The following AR variants were observed in gnomAD, a reference collection of about 807,000 sequenced individuals.
AR encodes the protein androgen receptor.
In AR, 8 loss-of-function variants were observed where a neutral mutation model predicts 53.9. That is an observed-to-expected ratio of 0.15 (90% CI 0.09 to 0.27). The LOEUF is 0.27. AR is among the 10% of genes least tolerant of loss of function. The probability of loss-of-function intolerance (pLI) is 1.00; values close to 1 mark genes in which losing one functional copy is unlikely to be tolerated. For synonymous variants in AR, 359 were observed against 316.4 expected (o/e 1.13, Z -1.43); for missense variants, 639 against 742.5 (o/e 0.86, Z 1.62).
At chrX:67,658,738 T>A (rs1196308636) in intron 2 of AR, among the ~76,000 whole-genome samples, 2 of 111,926 alleles carry the variant, frequency 1.8e-5, no homozygotes, top group Non-Finnish European at 3.8e-5. Context: ...GTCACCTTCT[T>A]TGGACATTAG....
intron 1 of AR, among the ~76,000 whole-genome samples, chrX:67,550,184 G>T (rs1929939901): frequency 8.9e-6 from 1 of 111,745 alleles, no homozygotes; most frequent in Non-Finnish European, 1.9e-5. Flanking sequence ...GTCAGCCAAA[G>T]ATTAACACTG....
chrX:67,630,617 T>C (rs765445725), intron 1 of AR, among the ~76,000 whole-genome samples: 31 of 111,444 alleles, frequency 2.8e-4, no homozygotes, highest in African/African-American at 9.1e-4. Context: ...TGTCTTTTAA[T>C]TGGAGCATTT....
chrX:67,604,365 G>A (rs1360672688), intron 1 of AR, among the ~76,000 whole-genome samples: 2 of 109,606 alleles, frequency 1.8e-5, no homozygotes, highest in African/African-American at 3.3e-5. Flanking sequence ...TCTGTTCCCT[G>A]GGCATCACCA....
At chrX:67,562,814 A>G (rs1921390871) in intron 1 of AR, among the ~76,000 whole-genome samples, 1 of 111,635 alleles carries the variant, frequency 9.0e-6, no homozygotes, top group Non-Finnish European at 1.9e-5. Context: ...ACAGTAACAT[A>G]ACCCCTCTGA....
chrX:67,638,556 G>A (rs750145854), intron 1 of AR, among the ~76,000 whole-genome samples: 3 of 111,744 alleles, frequency 2.7e-5, no homozygotes, highest in Non-Finnish European at 3.8e-5. Flanking sequence ...GTTTTGATTT[G>A]CATTTCTCTA....
intron 1 of AR, among the ~76,000 whole-genome samples, chrX:67,623,528 G>A (rs1371296948): frequency 9.0e-6 from 1 of 111,411 alleles, no homozygotes; most frequent in Non-Finnish European, 1.9e-5. Flanking sequence ...AACTGCGAAG[G>A]CCTATATCAA....
chrX:67,594,623 C>G lies in AR; in HGVS notation c.1616+47861C>G, dbSNP rs150806127. 6.5e-3 allele frequency among the ~76,000 whole-genome samples: 722 copies of G among 111,370 alleles called. 5 individuals are homozygous for G. The highest frequency in any genetic ancestry group is 0.022 in the South Asian group (58 of 2,627). On this transcript the variant is annotated intron_variant, in intron 1 of 7. Coordinates refer to ENST00000374690, the MANE Select transcript of AR (RefSeq NM_000044.6). Reference sequence around the variant, plus strand: ...GCTTATAGGGCTAGTCTTCAGAGTCCTCTTCCTACCTACTACTGCTAATAA... The same window carrying G: ...GCTTATAGGGCTAGTCTTCAGAGTCGTCTTCCTACCTACTACTGCTAATAA...
chrX:67,544,992 TG>T lies in AR; in HGVS notation c.-153del. 1.2e-6 allele frequency: 1 copy of T among 846,823 alleles called. No individual in the cohort carries two copies. The highest frequency in any genetic ancestry group is 1.6e-6 in the Non-Finnish European group (1 of 621,785). 69.8% of individuals were successfully genotyped at this position (846,823 alleles called of 1,213,427 possible). On this transcript the variant is annotated 5_prime_UTR_variant, in exon 1 of 8. Coordinates refer to ENST00000374690, the MANE Select transcript of AR (RefSeq NM_000044.6). ...TGAGGCTGTCAGAGCGCTTTTTGCGTGGTTGCTCCCGCAAGTTTCCTTCTCT... is the reference window on the plus strand; with the variant it reads ...TGAGGCTGTCAGAGCGCTTTTTGCGTGTTGCTCCCGCAAGTTTCCTTCTCT...
Position 67,546,514 on chromosome X carries a change from TGGCGGCGGCGGCGGC to T in AR, c.1406_1420del (p.Gly469_Gly473del), listed in dbSNP as rs746853821. The T allele has an allele frequency of 8.0e-3, 4,429 of 552,271 alleles. 427 individuals are homozygous for T. The highest frequency in any genetic ancestry group is 0.047 in the East Asian group (766 of 16,194). The allele number at this position is 552,271 out of a possible 1,213,427, so 45.5% of individuals were successfully genotyped here. The stretch of plus-strand genomic sequence containing the variant: ...GACCGTGTGGTGGTGGTGGGGGTGG[TGGCGGCGGCGGCGGC>T]GGCGGCGGCGGCGGCGGCGGCGGCG... On this transcript the variant is annotated inframe_deletion, in exon 1 of 8. Transcript: ENST00000374690.
In AR at chrX:67,546,032, G is replaced by C. The variant is rs1929710632; in HGVS notation, c.886G>C (p.Asp296His). ...GGCCGAATGCAAAGGTTCTCTGCTA[G>C]ACGACAGCGCAGGCAAGAGCACTGA... ...PLAECKGSLL[D>H]DSAGKSTEDT... The change falls in exon 1 of 8, where the codon GAC becomes CAC. Residue 296 changes from aspartate to histidine, a missense_variant. Around this residue, in one of 5 missense-constraint regions of AR, gnomAD observed 423 missense variants for 377.0 expected, o/e 1.12. Coordinates refer to ENST00000374690, the MANE Select transcript of AR (RefSeq NM_000044.6). The C allele has an allele frequency of 8.2e-7, 1 of 1,212,364 alleles. No individual in the cohort carries two copies. Among genetic ancestry groups the C allele is most frequent in the Non-Finnish European group, 1.1e-6 (1 of 895,666 alleles).
At chrX:67,613,135 G>A (rs1382192352) in intron 1 of AR, among the ~76,000 whole-genome samples, 1 of 111,690 alleles carries the variant, frequency 9.0e-6, no homozygotes, top group Non-Finnish European at 1.9e-5. Context: ...TTCCACACTA[G>A]GAAAGGCAAA....
intron 4 of AR, among the ~76,000 whole-genome samples, chrX:67,716,807 T>C (rs761769539): frequency 8.9e-6 from 1 of 111,830 alleles, no homozygotes; most frequent in African/African-American, 3.2e-5. Flanking sequence ...GAAAACAGCT[T>C]TGTGAAGTGA....
chrX:67,652,067 G>A (rs1307977136), intron 2 of AR, among the ~76,000 whole-genome samples: 1 of 111,706 alleles, frequency 9.0e-6, no homozygotes, highest in East Asian at 2.8e-4. Flanking sequence ...AGCATCCCAC[G>A]GAGTGTTTTC....
At chrX:67,568,861 C>A in intron 1 of AR, 1 of 1,176,586 alleles carries the variant, frequency 8.5e-7, no homozygotes, top group Non-Finnish European at 1.1e-6. Flanking sequence ...GAGAGGGATT[C>A]CTCGGAGGTC....
At chrX:67,624,753 A>C (rs747578072) in intron 1 of AR, among the ~76,000 whole-genome samples, 6 of 109,095 alleles carry the variant, frequency 5.5e-5, no homozygotes, top group Non-Finnish European at 9.5e-5. Context: ...TTAACTTTGT[A>C]ATGGACATCT....
At chrX:67,702,786 C>T (rs768935886) in intron 3 of AR, among the ~76,000 whole-genome samples, 44 of 112,359 alleles carry the variant, frequency 3.9e-4, no homozygotes, top group Non-Finnish European at 5.6e-4. Flanking sequence ...CTAATTAGAA[C>T]TAAAAGTCAG....
intron 3 of AR, among the ~76,000 whole-genome samples, chrX:67,690,430 T>C (rs1569307057): frequency 9.0e-6 from 1 of 111,496 alleles, no homozygotes; most frequent in Non-Finnish European, 1.9e-5. Context: ...TCATTCCCCA[T>C]GTTCAAGAGC....
intron 5 of AR, among the ~76,000 whole-genome samples, chrX:67,717,888 A>G (rs1206040938): frequency 8.9e-6 from 1 of 112,376 alleles, no homozygotes; most frequent in Non-Finnish European, 1.9e-5. Flanking sequence ...TTTGCAGCTT[A>G]TCTCAAAACC....
At chrX:67,660,019 G>A (rs1318541016) in intron 2 of AR, among the ~76,000 whole-genome samples, 1 of 112,025 alleles carries the variant, frequency 8.9e-6, no homozygotes, top group Non-Finnish European at 1.9e-5. Flanking sequence ...TCTTCTTTGA[G>A]ACGTGTCTGT....
Sources: allele counts gnomAD v4.1 joint callset (sites outside exome capture counted in the v4.1 genomes callset), GRCh38; gene constraint gnomAD v4.1.1; regional missense constraint gnomAD v4.1.1; transcripts MANE v1.5; gene names NCBI Gene and HGNC (gene_info 2026-07-23, HGNC 2026-07-21).